AAK1: variants seen among roughly 807,000 people sequenced by gnomAD.
The protein encoded by AAK1 is AP2-associated protein kinase 1.
Under a neutral mutation model 116.0 loss-of-function variants are expected in AAK1, and 37 were observed. That is an observed-to-expected ratio of 0.32 (90% CI 0.25 to 0.42). AAK1 has a LOEUF of 0.42. AAK1 is among the 10% of genes least tolerant of loss of function. The pLI, the probability that AAK1 is intolerant of heterozygous loss-of-function variation, is 1.00. For synonymous variants in AAK1, 458 were observed against 439.9 expected, an observed-to-expected ratio of 1.04 and a Z score of -0.51; for missense variants, 919 against 1,170.6, an observed-to-expected ratio of 0.79 and a Z score of 3.14.
chr2:69,526,445 A>G (rs187216618), intron 9 of AAK1, among the ~76,000 whole-genome samples: 151 of 152,310 alleles, frequency 9.9e-4, no homozygotes, highest in African/African-American at 3.4e-3. Flanking sequence ...ATATTTAAGA[A>G]AAATAAATCA....
rs1291775113 is a variant in AAK1, at chr2:69,473,731, T to C, written c.*2138A>G. On this transcript the variant is annotated 3_prime_UTR_variant, in exon 22 of 22. Coordinates refer to ENST00000409085, the MANE Select transcript of AAK1 (RefSeq NM_014911.5). ...TATTTCATTATATTTCTAACATGTA[T>C]ATACGAAAAAAATCAAATATGAAAA... 1.0e-6 allele frequency: 1 copy of C among 964,620 alleles called. No homozygotes were observed. Among genetic ancestry groups the C allele is most frequent in the African/African-American group, 1.8e-5 (1 of 56,822 alleles). 59.8% of individuals were successfully genotyped at this position (964,620 alleles called of 1,614,324 possible). A position where few individuals can be genotyped will look rare whatever the true frequency, so the allele number is the denominator to read the frequency against.
chr2:69,500,040 T>C (rs1046263303), intron 16 of AAK1: 1 of 152,222 alleles, frequency 6.6e-6, no homozygotes, highest in African/African-American at 2.4e-5. Context: ...AGTCTGTCAT[T>C]TTTGCAGCTT....
Position 69,471,814 on chromosome 2 carries a change from T to C in AAK1, c.*4055A>G. ...CACAGCACTGCTGAAGGCAGAACTG[T>C]TCCTAACCTGGGGAAGGTTATATTG... is the stretch of plus-strand genomic sequence containing the variant. On this transcript the variant is annotated 3_prime_UTR_variant, in exon 22 of 22. Coordinates refer to ENST00000409085, the MANE Select transcript of AAK1 (RefSeq NM_014911.5). 2.0e-6 allele frequency: 2 copies of C among 985,474 alleles called. No homozygotes were observed. The highest frequency in any genetic ancestry group is 2.4e-6 in the Non-Finnish European group (2 of 829,938). The allele number at this position is 985,474 out of a possible 1,614,324, so 61.0% of individuals were successfully genotyped here. A position where few individuals can be genotyped will look rare whatever the true frequency, so the allele number is the denominator to read the frequency against.
chr2:69,487,835 G>A (rs982340486), intron 17 of AAK1, among the ~76,000 whole-genome samples: 1 of 148,860 alleles, frequency 6.7e-6, no homozygotes, highest in African/African-American at 2.5e-5. Flanking sequence ...TGTTGCCCAG[G>A]CTGGAGTGCA....
intron 2 of AAK1, among the ~76,000 whole-genome samples, chr2:69,611,358 C>T (rs943014796): frequency 2.0e-5 from 3 of 152,210 alleles, no homozygotes; most frequent in South Asian, 2.1e-4. Context: ...CTTTGGGACT[C>T]GGACCAGTGG....
At position 69,643,616 on chromosome 2, in the gene AAK1, G is replaced by A; in HGVS notation, c.-276C>T. On this transcript the variant is annotated 5_prime_UTR_variant, in exon 1 of 22. Transcript: ENST00000409085. ...GCCGGCGCCCTGCTACCAGCCCCGC[G>A]ACATTGTCACGGCCGCCGGGCCGGC... 2 of 1,228,894 alleles carry A rather than the reference G, an allele frequency of 1.6e-6. No homozygotes were observed. The highest frequency in any genetic ancestry group is 1.6e-5 in the African/African-American group (1 of 64,374). The allele number at this position is 1,228,894 out of a possible 1,614,324, so 76.1% of individuals were successfully genotyped here.
intron 2 of AAK1, among the ~76,000 whole-genome samples, chr2:69,626,642 G>A (rs1309417295): frequency 6.6e-6 from 1 of 150,416 alleles, no homozygotes; most frequent in East Asian, 1.9e-4. Flanking sequence ...TGGGACTATA[G>A]GTGCATTCCA....
At chr2:69,519,909 G>A (rs1669688403) in intron 11 of AAK1, 1 of 160,694 alleles carries the variant, frequency 6.2e-6, no homozygotes, top group African/African-American at 2.4e-5. Context: ...CAGTTTCTTT[G>A]TATCTCAGCC....
rs1207730243 is a variant in AAK1 at position 69,465,771 on chromosome 2, T to TGGTC, written c.*10094_*10097dup. ...TCCCCTGGGAGAGATGCTGTCCAGA[T>TGGTC]GGTCTGCTGCTTGTACAGAATGGGA... is the stretch of plus-strand genomic sequence containing the variant. On this transcript the variant is annotated 3_prime_UTR_variant, in exon 22 of 22. Coordinates refer to ENST00000409085, the MANE Select transcript of AAK1 (RefSeq NM_014911.5). 6 of 1,290,768 alleles carry TGGTC rather than the reference T, an allele frequency of 4.6e-6. No individual in the cohort carries two copies. The highest frequency in any genetic ancestry group is 6.1e-6 in the Non-Finnish European group (6 of 988,890). 80.0% of individuals were successfully genotyped at this position (1,290,768 alleles called of 1,614,324 possible). A position where few individuals can be genotyped will look rare whatever the true frequency, so the allele number is the denominator to read the frequency against.
At chr2:69,618,096 G>A (rs1008088349) in intron 2 of AAK1, among the ~76,000 whole-genome samples, 1 of 152,066 alleles carries the variant, frequency 6.6e-6, no homozygotes, top group African/African-American at 2.4e-5. Flanking sequence ...GGAGCTCCCA[G>A]CAATAAAATA....
intron 18 of AAK1, 142 bp downstream of exon 18, chr2:69,482,569 G>A (rs1481714703): frequency 1.3e-6 from 1 of 755,242 alleles, no homozygotes; most frequent in East Asian, 2.7e-5. Context: ...ACTTCATTTG[G>A]AGTGATACAA....
intron 20 of AAK1, 29 bp from the exon 21 acceptor site, chr2:69,477,019 G>A: frequency 6.7e-7 from 1 of 1,484,908 alleles, no homozygotes. Flanking sequence ...TACACAAGCA[G>A]AAACAACAGA....
At chr2:69,480,827 C>G (rs1675059797) in intron 19 of AAK1, 33 bp downstream of exon 19, 1 of 1,536,632 alleles carries the variant, frequency 6.5e-7, no homozygotes, top group African/African-American at 1.4e-5. Flanking sequence ...CCACACCGAC[C>G]AGTCCCTGCA....
chr2:69,629,728 A>G (rs1217836926), intron 2 of AAK1, among the ~76,000 whole-genome samples: 2 of 152,212 alleles, frequency 1.3e-5, no homozygotes, highest in Non-Finnish European at 2.9e-5. Context: ...CATCCAGTTA[A>G]TTCATTCTCC....
At chr2:69,538,374 C>T (rs1292440026) in intron 5 of AAK1, among the ~76,000 whole-genome samples, 1 of 152,118 alleles carries the variant, frequency 6.6e-6, no homozygotes, top group East Asian at 1.9e-4. Context: ...CTGCCTTAGC[C>T]CTCCCACCGA....
At chr2:69,607,047 A>C (rs1039673078) in intron 2 of AAK1, among the ~76,000 whole-genome samples, 7 of 89,324 alleles carry the variant, frequency 7.8e-5, no homozygotes, top group African/African-American at 4.2e-4. Context: ...GTCTTGCCTC[A>C]AAAAAAAAAA....
At position 69,475,642 on chromosome 2, in the gene AAK1, A is replaced by G. The variant is rs2104881590; in HGVS notation, c.*227T>C. ...ATGCTATTGAAGAAGGGTAATGAGA[A>G]AACACAGCAAACTAACAAGGAGGAA... On this transcript the variant is annotated 3_prime_UTR_variant, in exon 22 of 22. Coordinates refer to ENST00000409085, the MANE Select transcript of AAK1 (RefSeq NM_014911.5). 1 of 1,335,500 alleles carries G rather than the reference A, an allele frequency of 7.5e-7. No homozygotes were observed. The highest frequency in any genetic ancestry group is 2.7e-5 in the East Asian group (1 of 36,588). The allele number at this position is 1,335,500 out of a possible 1,614,324, so 82.7% of individuals were successfully genotyped here.
intron 16 of AAK1, among the ~76,000 whole-genome samples, chr2:69,500,664 AAT>A (rs34635707): frequency 0.034 from 2,065 of 60,786 alleles, 66 homozygotes; most frequent in East Asian, 0.17. Flanking sequence ...AGTCCCTTAA[AAT>A]ATATATATAT....
chr2:69,521,531 G>T (rs1022177944), intron 10 of AAK1, among the ~76,000 whole-genome samples: 1 of 152,108 alleles, frequency 6.6e-6, no homozygotes, highest in Non-Finnish European at 1.5e-5. Context: ...AAGTCAAAGG[G>T]TTTAAAAATA....
Sources: gnomAD v4.1 joint callset for allele counts (sites outside exome capture counted in the v4.1 genomes callset) on GRCh38, gnomAD v4.1.1 for gene constraint, MANE v1.5 for transcripts, NCBI Gene and HGNC (gene_info 2026-07-23, HGNC 2026-07-21) for gene names.